Variants in FBXO43 observed in about 807,000 individuals in gnomAD.
The protein encoded by FBXO43 is F-box only protein 43.
FBXO43 carries 22 observed loss-of-function variants against 56.7 expected under a neutral mutation model. That is an observed-to-expected ratio of 0.39 (90% CI 0.28 to 0.55). FBXO43 has a LOEUF of 0.55. FBXO43 is among the 20% of genes least tolerant of loss of function. The pLI, the probability that FBXO43 is intolerant of heterozygous loss-of-function variation, is 0.66. For synonymous variants in FBXO43, 306 were observed against 294.5 expected (o/e 1.04, Z -0.40); for missense variants, 733 against 814.9 (o/e 0.90, Z 1.22).
intron 3 of FBXO43, chr8:100,137,302 C>A: frequency 3.9e-6 from 1 of 259,178 alleles, no homozygotes; most frequent in Non-Finnish European, 7.3e-6. Context: ...CCTCGTGATC[C>A]GCCCGCCTCG....
upstream of FBXO43, among the ~76,000 whole-genome samples, chr8:100,147,402 A>G (rs1814854908): frequency 6.6e-6 from 1 of 152,234 alleles, no homozygotes; most frequent in Non-Finnish European, 1.5e-5. Flanking sequence ...CTTAAAATGT[A>G]TAAGGGCAGG....
upstream of FBXO43, among the ~76,000 whole-genome samples, chr8:100,149,016 G>A (rs1208459433): frequency 6.6e-6 from 1 of 152,164 alleles, no homozygotes; most frequent in African/African-American, 2.4e-5. Flanking sequence ...TTAAAACAGA[G>A]CAATGCAATG....
intron 1 of FBXO43, among the ~76,000 whole-genome samples, chr8:100,143,526 T>C (rs1814721481): frequency 6.6e-6 from 1 of 152,256 alleles, no homozygotes. Flanking sequence ...TGTCCCCTTC[T>C]GATCTACATC....
chr8:100,135,058 T>C (rs999814897), intron 3 of FBXO43, among the ~76,000 whole-genome samples: 3 of 152,136 alleles, frequency 2.0e-5, no homozygotes, highest in Non-Finnish European at 4.4e-5. Context: ...GAGAAAAAAC[T>C]ATGCAATTAT....
At chr8:100,142,646 C>A (rs1748570779) in intron 1 of FBXO43, among the ~76,000 whole-genome samples, 1 of 152,182 alleles carries the variant, frequency 6.6e-6, no homozygotes, top group South Asian at 2.1e-4. Flanking sequence ...GCCTCTAGAT[C>A]TACCTGCAAT....
upstream of FBXO43, among the ~76,000 whole-genome samples, chr8:100,149,501 G>C (rs1814882847): frequency 6.6e-6 from 1 of 152,224 alleles, no homozygotes; most frequent in African/African-American, 2.4e-5. Context: ...CTTTGTAACA[G>C]GGCTAATGGT....
At chr8:100,145,826 C>T (rs1482102318), upstream of FBXO43, 1 of 152,438 alleles carries the variant, frequency 6.6e-6, no homozygotes, top group African/African-American at 2.4e-5. Flanking sequence ...TTGAACGGCC[C>T]GCCCGGGGTA....
At chr8:100,134,546 A>G (rs998303235) in intron 3 of FBXO43, among the ~76,000 whole-genome samples, 182 bp from the exon 4 acceptor site, 2 of 152,278 alleles carry the variant, frequency 1.3e-5, no homozygotes, top group African/African-American at 4.8e-5. Context: ...CTCACCTAAC[A>G]TATAAAAGTT....
Position 100,140,954 on chromosome 8 carries a change from A to C in FBXO43, c.1300T>G (p.Leu434Val), listed in dbSNP as rs754999521. Reference sequence around the variant, plus strand: ...GCTGGGGTCTTTGATAAATTCTTTAAGCTAAAGGTCAAATCCCCACTCTCA... The same window carrying C: ...GCTGGGGTCTTTGATAAATTCTTTACGCTAAAGGTCAAATCCCCACTCTCA... The part of the protein sequence containing the change: ...SDESGDLTFS[L>V]KNLSKTPALQ... The change falls in exon 2 of 5, where the codon TTA becomes GTA. Residue 434 changes from leucine to valine, a missense_variant. Leu to Val is a conservative substitution (Grantham distance 32). Transcript: ENST00000428847. 6.2e-7 allele frequency: 1 copy of C among 1,614,104 alleles called. No homozygotes were observed. Among genetic ancestry groups the C allele is most frequent in the Non-Finnish European group, 8.5e-7 (1 of 1,180,048 alleles).
At position 100,133,617 on chromosome 8, in the gene FBXO43, GTAAAA is replaced by G. The variant is rs1197902673; in HGVS notation, c.*180_*184del. Reference sequence around the variant, plus strand: ...TTATTAAAATGGGTAAAATGACATAGTAAAATAAAATTTTTTCAAAACAACTTTAA... The same window carrying G: ...TTATTAAAATGGGTAAAATGACATAGTAAAATTTTTTCAAAACAACTTTAA... On this transcript the variant is annotated 3_prime_UTR_variant, in exon 5 of 5. Coordinates refer to ENST00000428847, the MANE Select transcript of FBXO43 (RefSeq NM_001029860.4). 1.5e-5 allele frequency: 9 copies of G among 593,142 alleles called. No homozygotes were observed. In the Admixed American group the frequency reaches 2.2e-4, roughly 15 times the overall value. 36.7% of individuals were successfully genotyped at this position (593,142 alleles called of 1,614,324 possible).
intron 3 of FBXO43, among the ~76,000 whole-genome samples, chr8:100,136,697 A>C (rs1814479320): frequency 6.6e-6 from 1 of 152,174 alleles, no homozygotes; most frequent in Admixed American, 6.5e-5. Context: ...CACCTGGCTA[A>C]CTGCTAACTC....
intron 4 of FBXO43, 35 bp downstream of exon 4, chr8:100,134,126 T>C (rs892142740): frequency 4.4e-6 from 7 of 1,602,810 alleles, no homozygotes; most frequent in Non-Finnish European, 6.0e-6. Flanking sequence ...TGTAAATATT[T>C]ATTTCTAATA....
chr8:100,136,335 T>G (rs1020133790), intron 3 of FBXO43, among the ~76,000 whole-genome samples: 1 of 152,272 alleles, frequency 6.6e-6, no homozygotes, highest in Non-Finnish European at 1.5e-5. Context: ...TATGCCATGC[T>G]TTATTCCAAT....
chr8:100,138,529 G>T (rs1284133932), intron 2 of FBXO43, among the ~76,000 whole-genome samples: 4 of 152,158 alleles, frequency 2.6e-5, no homozygotes, highest in African/African-American at 9.7e-5. Context: ...TTGGGTATTT[G>T]CCACAGACAT....
At chr8:100,134,091 T>G in intron 4 of FBXO43, 41 bp from the exon 5 acceptor site, 2 of 1,607,332 alleles carry the variant, frequency 1.2e-6, no homozygotes, top group Non-Finnish European at 8.5e-7. Context: ...TGGTTTCATA[T>G]AGAGGAGCAC....
Position 100,137,611 on chromosome 8 carries a change from T to C in FBXO43, c.1628A>G (p.Asn543Ser). 2 of 1,613,168 alleles carry C rather than the reference T, an allele frequency of 1.2e-6. No individual in the cohort carries two copies. The highest frequency in any genetic ancestry group is 1.7e-6 in the Non-Finnish European group (2 of 1,179,698). The change falls in exon 3 of 5, where the codon AAT becomes AGT. Residue 543 changes from asparagine to serine, a missense_variant. Coordinates refer to ENST00000428847, the MANE Select transcript of FBXO43 (RefSeq NM_001029860.4). Reference sequence around the variant, plus strand: ...TGTGATATAAAATTTCCTCCTCCGATTTGCATTTTTATCTTGAACAACAAT... The same window carrying C: ...TGTGATATAAAATTTCCTCCTCCGACTTGCATTTTTATCTTGAACAACAAT... ...REIVVQDKNA[N>S]RRRKFYITQL... is the part of the protein sequence containing the mutation.
rs764715642 is a variant in FBXO43 at position 100,140,863 on chromosome 8, T to A, written c.1391A>T (p.His464Leu). The A allele has an allele frequency of 1.1e-5, 18 of 1,614,242 alleles. No individual in the cohort carries two copies. The highest frequency in any genetic ancestry group is 1.4e-5 in the Non-Finnish European group (17 of 1,180,038). Reference sequence around the variant, plus strand: ...CCCATCCCCTTGCTCTAAGAATTCATGTCCACTATTTTCCTGTAATCTTTT... The same window carrying A: ...CCCATCCCCTTGCTCTAAGAATTCAAGTCCACTATTTTCCTGTAATCTTTT... ...KRKRLQENSG[H>L]EFLEQGDGEK... The change falls in exon 2 of 5, where the codon CAT becomes CTT. Residue 464 changes from histidine (H) to leucine (L), a missense_variant. His to Leu is a moderately conservative substitution (Grantham distance 99). Coordinates refer to ENST00000428847, the MANE Select transcript of FBXO43 (RefSeq NM_001029860.4).
At position 100,134,161 on chromosome 8, in the gene FBXO43, C is replaced by T. The variant is rs751247548; in HGVS notation, c.1878G>A (p.Lys626=). Residue 626 remains lysine (K), a splice_region_variant and synonymous_variant, in exon 4 of 5, where the codon AAG becomes AAA. Transcript: ENST00000428847. ...AACTTATGACATAATAAATACTTAC[C>T]TTAACATATTCTTCCTGTTTACTAC... is the stretch of plus-strand genomic sequence containing the variant. ...HLSSKQEEYV[K]VAKTLFTDEA... is the part of the protein sequence containing the mutation. The T allele has an allele frequency of 1.2e-6, 2 of 1,612,718 alleles. No homozygotes were observed. Among genetic ancestry groups the T allele is most frequent in the South Asian group, 2.2e-5 (2 of 90,900 alleles).
At position 100,140,988 on chromosome 8, in the gene FBXO43, C is replaced by T; in HGVS notation, c.1266G>A (p.Leu422=). Residue 422 remains leucine, a synonymous_variant, in exon 2 of 5, where the codon CTG becomes CTA. Coordinates refer to ENST00000428847, the MANE Select transcript of FBXO43 (RefSeq NM_001029860.4). ...TCAAATCCCCACTCTCATCACTACT[C>T]AGCTGACCCTCTGAGATGGCAGAAG... ...AAASAISEGQ[L]SSDESGDLTF... 6.2e-7 allele frequency: 1 copy of T among 1,614,260 alleles called. No homozygotes were observed. Among genetic ancestry groups the T allele is most frequent in the Non-Finnish European group, 8.5e-7 (1 of 1,180,052 alleles).
Sources: allele counts gnomAD v4.1 joint callset (sites outside exome capture counted in the v4.1 genomes callset), GRCh38; gene constraint gnomAD v4.1.1; transcripts MANE v1.5; gene names NCBI Gene and HGNC (gene_info 2026-07-23, HGNC 2026-07-21).